ARHGEF37: variants seen among roughly 807,000 people sequenced by gnomAD.
ARHGEF37 encodes the protein Rho guanine nucleotide exchange factor 37, also known as Rho guanine nucleotide exchange factor (GEF) 37.
Under a neutral mutation model 71.1 loss-of-function variants are expected in ARHGEF37, and 55 were observed. That is an observed-to-expected ratio of 0.77 (90% confidence interval 0.62 to 0.97). The LOEUF is 0.97. Ranked by LOEUF, ARHGEF37 falls within the 50% of genes least tolerant of loss-of-function variation. The probability of loss-of-function intolerance (pLI) is 0.00; values close to 1 mark genes in which losing one functional copy is unlikely to be tolerated. For synonymous variants in ARHGEF37, 327 were observed against 350.6 expected (o/e 0.93, Z 0.75); for missense variants, 765 against 836.8 (o/e 0.91, Z 1.06).
At chr5:149,626,791 A>C in intron 10 of ARHGEF37, 2 of 277,552 alleles carry the variant, frequency 7.2e-6, no homozygotes, top group Non-Finnish European at 1.3e-5. Context: ...TATGGGCAGA[A>C]TTTAGGGCCC....
intron 1 of ARHGEF37, among the ~76,000 whole-genome samples, chr5:149,592,667 T>G (rs1203386287): frequency 6.6e-6 from 1 of 152,246 alleles, no homozygotes; most frequent in Non-Finnish European, 1.5e-5. Flanking sequence ...AATTGCTGAG[T>G]TACACAGAAA....
intron 2 of ARHGEF37, among the ~76,000 whole-genome samples, chr5:149,599,535 C>T (rs991970458): frequency 9.9e-5 from 15 of 152,172 alleles, no homozygotes; most frequent in Admixed American, 3.9e-4. Context: ...TCTCACCCTC[C>T]GAAGTCAGCC....
At position 149,598,765 on chromosome 5, in the gene ARHGEF37, G is replaced by GATATAGAT. The variant is rs1561795018; in HGVS notation, c.186+814_186+821dup. The stretch of plus-strand genomic sequence containing the variant: ...ATATATATATCTATATATAGATATA[G>GATATAGAT]ATATAGATATAGATATATAGATATA... On this transcript the variant is annotated intron_variant, in intron 2 of 12. Coordinates refer to ENST00000333677, the MANE Select transcript of ARHGEF37 (RefSeq NM_001001669.3). Among the ~76,000 whole-genome samples, 95 of 140,218 alleles carry GATATAGAT rather than the reference G, an allele frequency of 6.8e-4. 1 individual carries two copies. Among genetic ancestry groups the GATATAGAT allele is most frequent in the African/African-American group, 2.6e-3 (93 of 35,232 alleles). The allele number at this position is 140,218 out of a possible 152,430, so 92.0% of individuals were successfully genotyped here.
In ARHGEF37 at chr5:149,609,525, C is replaced by G. The variant is rs1459983797; in HGVS notation, c.311-23C>G. 2.5e-6 allele frequency: 4 copies of G among 1,612,942 alleles called. No homozygotes were observed. The African/African-American group carries it at 5.3e-5, about 21-fold the overall frequency. Reference sequence around the variant, plus strand: ...ACACACAGACATGCCCTTGACGACCCCTTGTTGCGTCTTCACTCTCAGGTA... The same window carrying G: ...ACACACAGACATGCCCTTGACGACCGCTTGTTGCGTCTTCACTCTCAGGTA... On this transcript the variant is annotated intron_variant, in intron 3 of 12. Coordinates refer to ENST00000333677, the MANE Select transcript of ARHGEF37 (RefSeq NM_001001669.3).
At chr5:149,604,990 G>T (rs1053942312) in intron 3 of ARHGEF37, among the ~76,000 whole-genome samples, 2 of 151,916 alleles carry the variant, frequency 1.3e-5, no homozygotes, top group African/African-American at 4.8e-5. Context: ...ACTTTGGGAG[G>T]CTGAGGCAGA....
At chr5:149,598,899 GATCCAGC>G (rs1224101968) in intron 2 of ARHGEF37, among the ~76,000 whole-genome samples, 1 of 151,812 alleles carries the variant, frequency 6.6e-6, no homozygotes, top group African/African-American at 2.4e-5. Context: ...AGAGGCAAAG[GATCCAGC>G]ATCCTCTGAG....
At position 149,555,004 on chromosome 5, in the gene ARHGEF37, G is replaced by A. The variant is rs568034224; in HGVS notation, c.-12+2881G>A. On this transcript the variant is annotated intron_variant, in intron 1 of 2. Transcript: ENST00000505810. Reference sequence around the variant, plus strand: ...AAATTAGCCGGGCGTGGTGGCAGGCGCCTGTAGTCCCAGCTACTCAGGAGG... The same window carrying A: ...AAATTAGCCGGGCGTGGTGGCAGGCACCTGTAGTCCCAGCTACTCAGGAGG... 2.3e-3 allele frequency among the ~76,000 whole-genome samples: 345 copies of A among 151,942 alleles called. 1 individual carries two copies. The highest frequency in any genetic ancestry group is 3.8e-3 in the Non-Finnish European group (257 of 67,958).
chr5:149,625,460 C>G (rs1347056638), intron 10 of ARHGEF37, among the ~76,000 whole-genome samples: 1 of 152,114 alleles, frequency 6.6e-6, no homozygotes, highest in African/African-American at 2.4e-5. Context: ...CCCAGGGACA[C>G]AGAGAAACAA....
intron 1 of ARHGEF37, among the ~76,000 whole-genome samples, chr5:149,590,471 G>A (rs1580896985): frequency 6.6e-6 from 1 of 151,944 alleles, no homozygotes; most frequent in African/African-American, 2.4e-5. Flanking sequence ...TAGTAGAGAC[G>A]AGGGTTCACC....
In ARHGEF37 at chr5:149,599,536, G is replaced by A. The variant is rs546255450; in HGVS notation, c.187-1572G>A. On this transcript the variant is annotated intron_variant, in intron 2 of 12. Coordinates refer to ENST00000333677, the MANE Select transcript of ARHGEF37 (RefSeq NM_001001669.3). Reference sequence around the variant, plus strand: ...AAGTGATCCTCCCATCTCACCCTCCGAAGTCAGCCTCCTGATTAGCTAGGA... The same window carrying A: ...AAGTGATCCTCCCATCTCACCCTCCAAAGTCAGCCTCCTGATTAGCTAGGA... 1.4e-4 allele frequency among the ~76,000 whole-genome samples: 21 copies of A among 151,894 alleles called. No homozygotes were observed. The East Asian group carries it at 1.9e-3, about 14-fold the overall frequency.
At position 149,633,396 on chromosome 5, in the gene ARHGEF37, G is replaced by A. The variant is rs1752945873; in HGVS notation, c.*1205G>A. 2 of 152,244 alleles carry A rather than the reference G, an allele frequency of 1.3e-5. No homozygotes were observed. The highest frequency in any genetic ancestry group is 4.8e-5 in the African/African-American group (2 of 41,466). 9.4% of individuals were successfully genotyped at this position (152,244 alleles called of 1,614,324 possible). On this transcript the variant is annotated 3_prime_UTR_variant, in exon 13 of 13. Transcript: ENST00000333677. ...CTGTAACCCAGGATCTACCTTGGGG[G>A]GCTTCTCAATACTGCATTCTATGTA... is the stretch of plus-strand genomic sequence containing the variant.
intron 1 of ARHGEF37, among the ~76,000 whole-genome samples, chr5:149,594,793 C>G (rs1301802391): frequency 6.6e-6 from 1 of 152,114 alleles, no homozygotes. Context: ...AACAAATACC[C>G]ACGTACTTAC....
chr5:149,556,676 T>C (rs896200276), intron 1 of ARHGEF37, among the ~76,000 whole-genome samples: 3 of 152,028 alleles, frequency 2.0e-5, no homozygotes, highest in African/African-American at 7.2e-5. Context: ...TATGAGCCAC[T>C]GCACCTGGCC....
chr5:149,611,164 G>A (rs1293863265), intron 4 of ARHGEF37, among the ~76,000 whole-genome samples: 1 of 152,180 alleles, frequency 6.6e-6, no homozygotes, highest in Admixed American at 6.5e-5. Flanking sequence ...GGTCTTAGCT[G>A]GGAACTGGCA....
In ARHGEF37 at chr5:149,612,848, G is replaced by A. The variant is rs111893805; in HGVS notation, c.458+3153G>A. Among the ~76,000 whole-genome samples, 731 of 152,308 alleles carry A rather than the reference G, an allele frequency of 4.8e-3. 6 individuals are homozygous for A. The highest frequency in any genetic ancestry group is 0.011 in the African/African-American group (442 of 41,572). On this transcript the variant is annotated intron_variant, in intron 4 of 12. Transcript: ENST00000333677. ...CAGTCTGCTATGATAGATGGCACCA[G>A]GTTATTAGATTCCTTGGGATTCCAA...
intron 3 of ARHGEF37, among the ~76,000 whole-genome samples, chr5:149,607,755 C>CTTTTTT (rs67079479): frequency 8.4e-5 from 7 of 83,100 alleles, no homozygotes; most frequent in South Asian, 4.4e-4. Context: ...AAAGAAACTT[C>CTTTTTT]TTTTTTTTTT....
At chr5:149,600,821 G>A (rs897024821) in intron 2 of ARHGEF37, among the ~76,000 whole-genome samples, 3 of 152,016 alleles carry the variant, frequency 2.0e-5, no homozygotes, top group Non-Finnish European at 4.4e-5. Flanking sequence ...TGTATTTTTA[G>A]TAGAGATGGG....
intron 3 of ARHGEF37, among the ~76,000 whole-genome samples, chr5:149,605,833 G>A (rs1763899713): frequency 6.6e-6 from 1 of 152,182 alleles, no homozygotes; most frequent in Admixed American, 6.5e-5. Flanking sequence ...ACCAGGCAGA[G>A]TTAGTATTTG....
chr5:149,564,038 C>T lies in ARHGEF37; in HGVS notation c.-12+11915C>T, dbSNP rs367875602. On this transcript the variant is annotated intron_variant, in intron 1 of 2. Coordinates refer to the ARHGEF37 transcript ENST00000505810. Reference sequence around the variant, plus strand: ...CGCGATCTTGGCTCACTGCAGCCTTCGCCTCCTGGATTCAAGCAATTCTTA... The same window carrying T: ...CGCGATCTTGGCTCACTGCAGCCTTTGCCTCCTGGATTCAAGCAATTCTTA... Among the ~76,000 whole-genome samples the T allele has an allele frequency of 2.1e-5, 3 of 144,452 alleles. 1 individual carries two copies. In the East Asian group the frequency reaches 6.1e-4, roughly 30 times the overall value. 94.8% of individuals were successfully genotyped at this position (144,452 alleles called of 152,430 possible).
Sources: gnomAD v4.1 joint callset for allele counts (sites outside exome capture counted in the v4.1 genomes callset) on GRCh38, gnomAD v4.1.1 for gene constraint, MANE v1.5 for transcripts, NCBI Gene and HGNC (gene_info 2026-07-23, HGNC 2026-07-21) for gene names.